ECM2: variants seen among roughly 807,000 people sequenced by gnomAD.
The protein encoded by ECM2 is extracellular matrix protein 2.
In ECM2, 57 loss-of-function variants were observed where a neutral mutation model predicts 67.5. That is an observed-to-expected ratio of 0.84 (90% CI 0.68 to 1.05). The LOEUF (loss-of-function observed/expected upper bound fraction) is 1.05, where lower values mean the gene tolerates loss of function less well. Ranked by LOEUF, ECM2 falls within the 50% of genes least tolerant of loss-of-function variation. The pLI, the probability that ECM2 is intolerant of heterozygous loss-of-function variation, is 0.00. For missense variants in ECM2, 741 were observed against 822.8 expected (o/e 0.90, Z 1.22); for synonymous variants, 258 against 294.5 (o/e 0.88, Z 1.27).
chr9:92,517,660 A>T, intron 3 of ECM2, 27 bp downstream of exon 3: 1 of 1,613,494 alleles, frequency 6.2e-7, no homozygotes, highest in Non-Finnish European at 8.5e-7. Context: ...TCACACACTG[A>T]TATTTTGCTT....
At chr9:92,536,135 C>A (rs1219917039), upstream of ECM2, 1 of 397,002 alleles carries the variant, frequency 2.5e-6, no homozygotes, top group Non-Finnish European at 4.7e-6. Flanking sequence ...GAAAATCAGC[C>A]AAGAAAGTAA....
In ECM2 at chr9:92,496,371, A is replaced by G. The variant is rs144194365; in HGVS notation, c.2044T>C (p.Phe682Leu). The G allele has an allele frequency of 2.0e-4, 318 of 1,606,474 alleles. No homozygotes were observed. The highest frequency in any genetic ancestry group is 2.6e-4 in the Non-Finnish European group (309 of 1,177,660). The change falls in exon 10 of 10, where the codon TTT (phenylalanine) becomes CTT (leucine). Residue 682 changes from phenylalanine (F) to leucine (L), a missense_variant. Coordinates refer to ENST00000344604, the MANE Select transcript of ECM2 (RefSeq NM_001393.4). The stretch of plus-strand genomic sequence containing the variant: ...CTTGAGTATGATCTTATGCATGAAA[A>G]TGTGTAAGATGGTATTTCTCTAATT... ...IKIREIPSYTFSCIRSYSSIV... is the reference protein window; with the variant it reads ...IKIREIPSYTLSCIRSYSSIV...
intron 1 of ECM2, among the ~76,000 whole-genome samples, chr9:92,526,054 C>T (rs926815224): frequency 9.2e-5 from 14 of 152,080 alleles, no homozygotes; most frequent in South Asian, 2.1e-4. Flanking sequence ...ACATTAACTG[C>T]GCAACAGCCT....
At chr9:92,508,460 G>A (rs1272781601) in intron 6 of ECM2, among the ~76,000 whole-genome samples, 1 of 152,224 alleles carries the variant, frequency 6.6e-6, no homozygotes, top group East Asian at 1.9e-4. Context: ...GTGTGTGAAA[G>A]CACGTTCACA....
the ECM2 span, among the ~76,000 whole-genome samples, chr9:92,553,203 C>T: frequency 1.3e-5 from 2 of 152,128 alleles, no homozygotes; most frequent in African/African-American, 4.8e-5. Flanking sequence ...TTTGCTTTGT[C>T]GAAGATCAGT....
intron 3 of ECM2, chr9:92,516,566 T>C (rs1300175043): frequency 3.3e-5 from 5 of 152,208 alleles, no homozygotes; most frequent in Admixed American, 1.3e-4. Context: ...TGCAGAAGAA[T>C]AGGAAAAAGT....
chr9:92,549,644 C>T, the ECM2 span, among the ~76,000 whole-genome samples: 1 of 109,614 alleles, frequency 9.1e-6, no homozygotes, highest in African/African-American at 5.0e-5. Context: ...ATGACTCCGT[C>T]TCAAAAAAAA....
chr9:92,517,180 C>G (rs1260965207), intron 3 of ECM2: 2 of 157,670 alleles, frequency 1.3e-5, no homozygotes, highest in African/African-American at 4.8e-5. Context: ...CTGCATTTTC[C>G]TGGGATTATC....
At chr9:92,551,314 A>T in the ECM2 span, among the ~76,000 whole-genome samples, 1 of 152,070 alleles carries the variant, frequency 6.6e-6, no homozygotes, top group African/African-American at 2.4e-5. Context: ...ATTGTGATAT[A>T]GCATACTTCC....
chr9:92,535,515 A>T (rs1244950070), intron 1 of ECM2, among the ~76,000 whole-genome samples: 1 of 152,134 alleles, frequency 6.6e-6, no homozygotes, highest in Admixed American at 6.5e-5. Flanking sequence ...CTTACCAGTT[A>T]TCTTAAGTAA....
intron 1 of ECM2, among the ~76,000 whole-genome samples, chr9:92,524,512 C>T (rs1848271511): frequency 6.6e-6 from 1 of 152,088 alleles, no homozygotes; most frequent in African/African-American, 2.4e-5. Flanking sequence ...AAAGTTAGTC[C>T]TACAAAGGAA....
chr9:92,501,081 T>C (rs755447923), intron 8 of ECM2, 28 bp from the exon 9 acceptor site: 4 of 1,600,144 alleles, frequency 2.5e-6, no homozygotes, highest in Non-Finnish European at 3.4e-6. Flanking sequence ...GTAAACAGGG[T>C]AGGGACATCA....
downstream of ECM2, among the ~76,000 whole-genome samples, chr9:92,494,412 A>G (rs2131128481): frequency 6.6e-6 from 1 of 152,300 alleles, no homozygotes; most frequent in South Asian, 2.1e-4. Context: ...CAACCTGGCC[A>G]CTTTAAAATT....
upstream of ECM2, among the ~76,000 whole-genome samples, chr9:92,541,428 C>T (rs2131309522): frequency 7.3e-6 from 1 of 137,734 alleles, no homozygotes; most frequent in Middle Eastern, 3.7e-3. Context: ...CCCCACCCCG[C>T]CCACACCCCC....
chr9:92,558,497 A>G, the ECM2 span, among the ~76,000 whole-genome samples: 2 of 152,254 alleles, frequency 1.3e-5, no homozygotes, highest in African/African-American at 4.8e-5. Flanking sequence ...TGAACCATCT[A>G]TGGGTCTCTC....
At chr9:92,528,467 TA>T (rs1347523854) in intron 1 of ECM2, among the ~76,000 whole-genome samples, 2 of 152,080 alleles carry the variant, frequency 1.3e-5, no homozygotes, top group Non-Finnish European at 2.9e-5. Flanking sequence ...TTCCACTGAG[TA>T]CTGGATAGCA....
At chr9:92,520,612 T>TAC (rs1435577198) in intron 2 of ECM2, among the ~76,000 whole-genome samples, 1 of 152,158 alleles carries the variant, frequency 6.6e-6, no homozygotes, top group Admixed American at 6.6e-5. Context: ...CCTAAGTATA[T>TAC]ACCCAAAAGA....
At chr9:92,557,827 TAG>T in the ECM2 span, among the ~76,000 whole-genome samples, 1 of 152,088 alleles carries the variant, frequency 6.6e-6, no homozygotes, top group Non-Finnish European at 1.5e-5. Context: ...ATTTTTTTAG[TAG>T]AGACGGGATT....
chr9:92,511,915 A>T, intron 5 of ECM2, 96 bp downstream of exon 5: 1 of 848,260 alleles, frequency 1.2e-6, no homozygotes, highest in Admixed American at 2.6e-5. Flanking sequence ...ACTACCAATT[A>T]GAAGCATTTT....
Sources: allele counts gnomAD v4.1 joint callset (sites outside exome capture counted in the v4.1 genomes callset), GRCh38; gene constraint gnomAD v4.1.1; transcripts MANE v1.5; gene names NCBI Gene and HGNC (gene_info 2026-07-23, HGNC 2026-07-21).